RAD51B: variants seen among roughly 807,000 people sequenced by gnomAD.
RAD51B encodes the protein DNA repair protein RAD51 homolog 2.
In RAD51B, 38 loss-of-function variants were observed where a neutral mutation model predicts 42.2. The ratio of observed to expected loss-of-function variants is 0.90; its 90% CI spans 0.70 to 1.18. The LOEUF (loss-of-function observed/expected upper bound fraction) is 1.18, where lower values mean the gene tolerates loss of function less well. Ranked by LOEUF, RAD51B falls within the 50% of genes most tolerant of loss-of-function variation. RAD51B has a pLI of 0.00. For synonymous variants in RAD51B, 154 were observed against 145.2 expected (o/e 1.06, Z -0.43); for missense variants, 373 against 400.7 (o/e 0.93, Z 0.59).
At chr14:67,971,687 C>T (rs552687329) in intron 7 of RAD51B, among the ~76,000 whole-genome samples, 1 of 152,020 alleles carries the variant, frequency 6.6e-6, no homozygotes, top group East Asian at 1.9e-4. Context: ...GTTTTTTATT[C>T]TTTGTGACTG....
chr14:67,964,549 C>T (rs2074730703), intron 7 of RAD51B, among the ~76,000 whole-genome samples: 1 of 152,202 alleles, frequency 6.6e-6, no homozygotes, highest in African/African-American at 2.4e-5. Context: ...CAACATTAAC[C>T]AGAACAAATG....
intron 7 of RAD51B, among the ~76,000 whole-genome samples, chr14:67,920,669 A>C (rs188717966): frequency 6.6e-6 from 1 of 152,228 alleles, no homozygotes; most frequent in Admixed American, 6.5e-5. Context: ...GTCTGAGAAC[A>C]TTAGTTAATC....
At chr14:68,640,173 G>A (rs1259362188) in intron 10 of RAD51B, among the ~76,000 whole-genome samples, 1 of 152,130 alleles carries the variant, frequency 6.6e-6, no homozygotes, top group African/African-American at 2.4e-5. Flanking sequence ...CCATGCATTA[G>A]GCATGTGTGA....
At position 68,650,859 on chromosome 14, in the gene RAD51B, A is replaced by G. The variant is rs767842584; in HGVS notation, c.*11+3A>G. The G allele has an allele frequency of 2.9e-5, 22 of 754,052 alleles. No homozygotes were observed. In the East Asian group the frequency reaches 4.9e-4, roughly 17 times the overall value. 46.7% of individuals were successfully genotyped at this position (754,052 alleles called of 1,614,324 possible). On this transcript the variant is annotated splice_donor_region_variant and intron_variant, in intron 11 of 11. Coordinates refer to the RAD51B transcript ENST00000488612. ...AATGAGTCCTGAGATTGCTACAGGT[A>G]TGAACAAAATAGCATTCTCCCTCAC... is the stretch of plus-strand genomic sequence containing the variant.
chr14:68,647,854 T>C (rs2140135314), intron 10 of RAD51B, among the ~76,000 whole-genome samples: 2 of 151,930 alleles, frequency 1.3e-5, no homozygotes, highest in East Asian at 3.9e-4. Context: ...AATTTTGTAT[T>C]TTTAGTAGAG....
At chr14:68,417,066 T>C (rs1455103384) in intron 9 of RAD51B, among the ~76,000 whole-genome samples, 1 of 152,168 alleles carries the variant, frequency 6.6e-6, no homozygotes, top group Admixed American at 6.5e-5. Context: ...CAAAGAAAGA[T>C]ATCGAGGATG....
intron 5 of RAD51B, among the ~76,000 whole-genome samples, chr14:67,876,720 T>C (rs899345028): frequency 5.9e-5 from 9 of 152,212 alleles, no homozygotes; most frequent in African/African-American, 2.2e-4. Flanking sequence ...TAGCATTATT[T>C]GTGTATCAGA....
At chr14:68,015,939 C>A (rs997800645) in intron 7 of RAD51B, among the ~76,000 whole-genome samples, 3 of 152,174 alleles carry the variant, frequency 2.0e-5, no homozygotes, top group Admixed American at 6.5e-5. Context: ...TTATTGGCAT[C>A]CCTATATCAT....
chr14:67,920,757 G>T (rs943480595), intron 7 of RAD51B, among the ~76,000 whole-genome samples: 1 of 151,962 alleles, frequency 6.6e-6, no homozygotes, highest in Non-Finnish European at 1.5e-5. Flanking sequence ...ACAAGTTAGG[G>T]CATCATTCCC....
intron 10 of RAD51B, among the ~76,000 whole-genome samples, chr14:68,573,718 A>T (rs1292718030): frequency 7.9e-5 from 12 of 152,154 alleles, no homozygotes. Context: ...GAGTGGATGA[A>T]GTCTCAGGAC....
chr14:68,032,703 C>T (rs2076066215), intron 7 of RAD51B, among the ~76,000 whole-genome samples: 1 of 152,170 alleles, frequency 6.6e-6, no homozygotes, highest in Non-Finnish European at 1.5e-5. Flanking sequence ...CACACTATTC[C>T]ATACTCCACA....
At chr14:68,036,584 A>C (rs1183422462) in intron 7 of RAD51B, among the ~76,000 whole-genome samples, 1 of 152,126 alleles carries the variant, frequency 6.6e-6, no homozygotes, top group Non-Finnish European at 1.5e-5. Flanking sequence ...CTTTATACTT[A>C]GAAGGAATTT....
chr14:68,557,490 G>C (rs1364094562), intron 10 of RAD51B, among the ~76,000 whole-genome samples: 1 of 152,230 alleles, frequency 6.6e-6, no homozygotes, highest in African/African-American at 2.4e-5. Flanking sequence ...AGGACTGTCT[G>C]TAGATGTAAA....
At chr14:67,868,903 C>G (rs1411566959) in intron 5 of RAD51B, among the ~76,000 whole-genome samples, 3 of 152,272 alleles carry the variant, frequency 2.0e-5, no homozygotes, top group African/African-American at 7.2e-5. Flanking sequence ...AACTAACAAA[C>G]AGAAAGGACA....
rs557903773 is a variant in RAD51B at position 68,433,397 on chromosome 14, A to T, written c.957+21870A>T. Among the ~76,000 whole-genome samples the T allele has an allele frequency of 4.6e-5, 7 of 152,176 alleles. No individual in the cohort carries two copies. The South Asian group carries it at 6.2e-4, about 13-fold the overall frequency. ...TTTCAGGTACACCAATCAGACGTAG[A>T]TTTGGTCTTTTCACATAGTCCCATA... is the stretch of plus-strand genomic sequence containing the variant. On this transcript the variant is annotated intron_variant, in intron 9 of 10. Transcript: ENST00000471583.
chr14:68,449,406 G>A (rs531688557), intron 9 of RAD51B, among the ~76,000 whole-genome samples: 1 of 152,178 alleles, frequency 6.6e-6, no homozygotes, highest in Non-Finnish European at 1.5e-5. Context: ...TGCTGGTCTG[G>A]ACTGAATGGA....
chr14:67,882,557 T>C (rs755668086), intron 5 of RAD51B, among the ~76,000 whole-genome samples: 4 of 152,222 alleles, frequency 2.6e-5, no homozygotes, highest in Non-Finnish European at 5.9e-5. Context: ...CGTAATGACA[T>C]GGAACTTGGA....
intron 7 of RAD51B, among the ~76,000 whole-genome samples, chr14:67,981,089 T>A (rs1363116167): frequency 2.0e-5 from 3 of 152,054 alleles, no homozygotes; most frequent in Non-Finnish European, 4.4e-5. Flanking sequence ...GTGGATTACA[T>A]CTGTAATCCC....
At chr14:68,239,530 A>T (rs1389046395) in intron 7 of RAD51B, among the ~76,000 whole-genome samples, 1 of 151,408 alleles carries the variant, frequency 6.6e-6, no homozygotes, top group East Asian at 1.9e-4. Flanking sequence ...TCTTTTTTAA[A>T]CTGGGCACCA....
Sources: allele counts gnomAD v4.1 joint callset (sites outside exome capture counted in the v4.1 genomes callset), GRCh38; gene constraint gnomAD v4.1.1; transcripts MANE v1.5; gene names NCBI Gene and HGNC (gene_info 2026-07-23, HGNC 2026-07-21).